The following OSBPL10 variants were observed in gnomAD, a reference collection of about 807,000 sequenced individuals.
The protein encoded by OSBPL10 is oxysterol-binding protein-related protein 10.
Under a neutral mutation model 81.7 loss-of-function variants are expected in OSBPL10, and 49 were observed. That is an observed-to-expected ratio of 0.60 (90% CI 0.48 to 0.76). The LOEUF is 0.76. Among genes scored for constraint, OSBPL10 ranks in the 30% least tolerant of loss-of-function variants. The pLI, the probability that OSBPL10 is intolerant of heterozygous loss-of-function variation, is 0.00. For missense variants in OSBPL10, 923 were observed against 987.8 expected (o/e 0.93, Z 0.88); for synonymous variants, 419 against 383.6 (o/e 1.09, Z -1.08).
At chr3:32,030,584 G>T (rs568661554) in intron 2 of OSBPL10, 2 of 951,704 alleles carry the variant, frequency 2.1e-6, no homozygotes, top group African/African-American at 1.6e-5. Flanking sequence ...CAACTGAAGC[G>T]CCCGCCTGCT....
intron 7 of OSBPL10, among the ~76,000 whole-genome samples, chr3:31,691,197 T>A (rs1021361736): frequency 5.9e-5 from 9 of 152,218 alleles, no homozygotes; most frequent in Non-Finnish European, 8.8e-5. Flanking sequence ...AGAGAGGATC[T>A]GCACTAGGGA....
At chr3:31,820,642 A>G (rs936116419) in intron 4 of OSBPL10, among the ~76,000 whole-genome samples, 1 of 152,142 alleles carries the variant, frequency 6.6e-6, no homozygotes, top group African/African-American at 2.4e-5. Context: ...TGCTAAAAAT[A>G]TAGATAGGTA....
At chr3:31,679,818 CAGATAAGTCAAAATCA>C (rs1700590088) in intron 8 of OSBPL10, among the ~76,000 whole-genome samples, 1 of 152,096 alleles carries the variant, frequency 6.6e-6, no homozygotes, top group African/African-American at 2.4e-5. Context: ...CACAGAGCCC[CAGATAAGTCAAAATCA>C]AGATTAATGT....
At chr3:31,821,166 C>T (rs1699975965) in intron 4 of OSBPL10, among the ~76,000 whole-genome samples, 1 of 151,932 alleles carries the variant, frequency 6.6e-6, no homozygotes. Flanking sequence ...ATTCTCCTGC[C>T]AGGGCAGCAG....
chr3:31,949,719 T>TCACA (rs1313554376), intron 1 of OSBPL10, among the ~76,000 whole-genome samples: 1 of 127,636 alleles, frequency 7.8e-6, no homozygotes, highest in Non-Finnish European at 1.6e-5. Flanking sequence ...GGTTCCTACC[T>TCACA]CACAGAACAG....
At chr3:32,026,895 G>C (rs1204530269) in intron 2 of OSBPL10, among the ~76,000 whole-genome samples, 1 of 152,174 alleles carries the variant, frequency 6.6e-6, no homozygotes. Flanking sequence ...CATCCATACA[G>C]ATTTGCACAG....
At chr3:31,817,684 G>C (rs1309503381) in intron 4 of OSBPL10, among the ~76,000 whole-genome samples, 1 of 152,208 alleles carries the variant, frequency 6.6e-6, no homozygotes, top group Non-Finnish European at 1.5e-5. Context: ...GCTCCTGCCT[G>C]CTTGATAGAG....
chr3:31,687,728 A>G (rs1467461551), intron 7 of OSBPL10, among the ~76,000 whole-genome samples: 1 of 151,978 alleles, frequency 6.6e-6, no homozygotes, highest in African/African-American at 2.4e-5. Flanking sequence ...CTCAGTGGAC[A>G]AGGGAGACAG....
chr3:31,847,194 CTTT>C (rs1165840077), intron 3 of OSBPL10, among the ~76,000 whole-genome samples: 8,566 of 144,892 alleles, frequency 0.059, 712 homozygotes, highest in East Asian at 0.45. Context: ...CTCCCCATTC[CTTT>C]TTTTTTTTTT....
intron 5 of OSBPL10, 64 bp downstream of exon 5, chr3:31,747,846 C>T (rs1355064455): frequency 6.7e-7 from 1 of 1,481,676 alleles, no homozygotes; most frequent in African/African-American, 1.4e-5. Context: ...AGGAGGAAGA[C>T]AGTGGGACAC....
intron 4 of OSBPL10, among the ~76,000 whole-genome samples, chr3:31,750,226 C>A (rs1697669898): frequency 6.6e-6 from 1 of 152,152 alleles, no homozygotes. Context: ...CAATCCCAGG[C>A]ACACCTATCT....
chr3:31,966,942 C>A (rs1698419605), intron 1 of OSBPL10, among the ~76,000 whole-genome samples: 1 of 151,706 alleles, frequency 6.6e-6, no homozygotes, highest in South Asian at 2.1e-4. Context: ...ATACCAAGCG[C>A]TGACAAGGAT....
At chr3:31,801,773 GACTATC>G (rs1699386489) in intron 4 of OSBPL10, among the ~76,000 whole-genome samples, 1 of 152,064 alleles carries the variant, frequency 6.6e-6, no homozygotes, top group South Asian at 2.1e-4. Context: ...GTTATGGTCA[GACTATC>G]ACCTCTCTGC....
intron 1 of OSBPL10, among the ~76,000 whole-genome samples, chr3:31,899,868 C>T (rs1696181227): frequency 6.6e-6 from 1 of 151,966 alleles, no homozygotes; most frequent in African/African-American, 2.4e-5. Flanking sequence ...CCTGTGGTCC[C>T]AGCATAGAAA....
At chr3:31,683,087 A>G (rs1415719107) in intron 8 of OSBPL10, among the ~76,000 whole-genome samples, 1 of 152,246 alleles carries the variant, frequency 6.6e-6, no homozygotes, top group Non-Finnish European at 1.5e-5. Context: ...CAAACAATGA[A>G]TAAACTTCAT....
At chr3:31,705,304 A>G (rs1038284016) in intron 6 of OSBPL10, among the ~76,000 whole-genome samples, 1 of 152,188 alleles carries the variant, frequency 6.6e-6, no homozygotes, top group Non-Finnish European at 1.5e-5. Context: ...CCATGTTGAC[A>G]GTAAACATCT....
intron 6 of OSBPL10, among the ~76,000 whole-genome samples, chr3:31,713,310 C>T (rs1696326237): frequency 6.6e-6 from 1 of 152,216 alleles, no homozygotes; most frequent in African/African-American, 2.4e-5. Flanking sequence ...GACAGGCTTA[C>T]CTCAGGGCCT....
intron 4 of OSBPL10, among the ~76,000 whole-genome samples, chr3:31,761,590 G>A (rs1298272770): frequency 6.6e-6 from 1 of 151,866 alleles, no homozygotes; most frequent in Non-Finnish European, 1.5e-5. Context: ...GCCGAAGTGG[G>A]CGGATCACTT....
intron 6 of OSBPL10, among the ~76,000 whole-genome samples, chr3:31,725,896 A>T (rs1300076320): frequency 4.6e-5 from 7 of 152,160 alleles, no homozygotes; most frequent in Admixed American, 4.6e-4. Context: ...TACTTTCCTA[A>T]ATACTCTGGA....
Sources: allele counts gnomAD v4.1 joint callset (sites outside exome capture counted in the v4.1 genomes callset), GRCh38; gene constraint gnomAD v4.1.1; transcripts MANE v1.5; gene names NCBI Gene and HGNC (gene_info 2026-07-23, HGNC 2026-07-21).